The following GSK3B variants were observed in gnomAD, a reference collection of about 807,000 sequenced individuals.
The protein encoded by GSK3B is glycogen synthase kinase 3 beta.
Under a neutral mutation model 56.4 loss-of-function variants are expected in GSK3B, and 15 were observed. The observed-to-expected ratio is 0.27, with a 90% CI of 0.18 to 0.41. The LOEUF is 0.41. Ranked by LOEUF, GSK3B falls within the 10% of genes least tolerant of loss-of-function variation. GSK3B has a pLI of 1.00. For missense variants in GSK3B, 300 were observed against 513.4 expected (o/e 0.58, Z 4.02); for synonymous variants, 181 against 188.9 (o/e 0.96, Z 0.34).
Position 120,083,681 on chromosome 3 carries a change from A to G in GSK3B, c.88+9666T>C, listed in dbSNP as rs55974533. On this transcript the variant is annotated intron_variant, in intron 1 of 10. Transcript: ENST00000264235. Reference sequence around the variant, plus strand: ...TATATACCCCAAAAGATCTGAAAACATATGTCCACACAAAAACTTGCACAC... The same window carrying G: ...TATATACCCCAAAAGATCTGAAAACGTATGTCCACACAAAAACTTGCACAC... Among the ~76,000 whole-genome samples, 1,246 of 152,320 alleles carry G rather than the reference A, an allele frequency of 8.2e-3. 17 individuals are homozygous for G. Among genetic ancestry groups the G allele is most frequent in the African/African-American group, 0.025 (1,048 of 41,568 alleles).
Position 119,826,542 on chromosome 3 carries a change from T to TC in GSK3B, c.*245dup. The TC allele has an allele frequency of 1.0e-5, 6 of 601,388 alleles. No homozygotes were observed. Among genetic ancestry groups the TC allele is most frequent in the Admixed American group, 2.4e-5 (1 of 41,460 alleles). 37.3% of individuals were successfully genotyped at this position (601,388 alleles called of 1,614,324 possible). On this transcript the variant is annotated 3_prime_UTR_variant, in exon 11 of 11. Transcript: ENST00000264235. ...GATTGTATGTTCTAGTGCTCCGCTTTCCCCCTCCCCACAACCCCTCCCACC... is the reference window on the plus strand; with the variant it reads ...GATTGTATGTTCTAGTGCTCCGCTTTCCCCCCTCCCCACAACCCCTCCCACC...
At chr3:119,937,853 T>C (rs1468851814) in intron 3 of GSK3B, among the ~76,000 whole-genome samples, 4 of 150,694 alleles carry the variant, frequency 2.7e-5, no homozygotes, top group Non-Finnish European at 5.9e-5. Context: ...TCAACAAAAC[T>C]GACAAACCCT....
intron 9 of GSK3B, among the ~76,000 whole-genome samples, chr3:119,845,818 A>T (rs1367188915): frequency 6.6e-6 from 1 of 152,210 alleles, no homozygotes; most frequent in Non-Finnish European, 1.5e-5. Flanking sequence ...AACTACTTTA[A>T]ATTTCATATG....
At chr3:119,952,898 AC>A (rs756262892) in intron 2 of GSK3B, among the ~76,000 whole-genome samples, 4 of 152,172 alleles carry the variant, frequency 2.6e-5, no homozygotes, top group African/African-American at 4.8e-5. Context: ...ACTGGAATTC[AC>A]AAAAACAAGT....
chr3:119,941,657 T>C (rs1039376981), intron 3 of GSK3B, among the ~76,000 whole-genome samples: 4 of 152,226 alleles, frequency 2.6e-5, no homozygotes, highest in African/African-American at 9.6e-5. Context: ...AAGCGCAATA[T>C]ATATTTGCTA....
At chr3:119,943,164 A>C (rs1054623867) in intron 3 of GSK3B, among the ~76,000 whole-genome samples, 2 of 152,174 alleles carry the variant, frequency 1.3e-5, no homozygotes, top group African/African-American at 4.8e-5. Context: ...CAATAAAAAG[A>C]AGGTTACCAA....
At chr3:119,919,012 G>C (rs1032121766) in intron 4 of GSK3B, among the ~76,000 whole-genome samples, 1 of 152,084 alleles carries the variant, frequency 6.6e-6, no homozygotes, top group African/African-American at 2.4e-5. Context: ...TGTGTGATCA[G>C]ACCCTGTCCT....
chr3:119,956,853 G>T (rs1204784146), intron 2 of GSK3B, among the ~76,000 whole-genome samples: 1 of 152,130 alleles, frequency 6.6e-6, no homozygotes, highest in Non-Finnish European at 1.5e-5. Flanking sequence ...TTGAACAGGG[G>T]CAAATAAACA....
At chr3:119,881,860 A>G (rs1428364049) in intron 7 of GSK3B, among the ~76,000 whole-genome samples, 4 of 152,164 alleles carry the variant, frequency 2.6e-5, no homozygotes, top group Non-Finnish European at 5.9e-5. Context: ...ATTATAGTGA[A>G]TAAGTCTCAC....
rs765195146 is a variant in GSK3B, at chr3:120,093,435, G to T, written c.-1C>A. On this transcript the variant is annotated 5_prime_UTR_variant, in exon 1 of 11. Transcript: ENST00000264235. ...AGGTGGTTCTGGGCCGCCCTGACAT[G>T]ATCACTCTCTTCGCGAATCACCTTT... 6.2e-7 allele frequency: 1 copy of T among 1,602,976 alleles called. No homozygotes were observed. The highest frequency in any genetic ancestry group is 1.1e-5 in the South Asian group (1 of 90,832).
intron 1 of GSK3B, among the ~76,000 whole-genome samples, chr3:120,089,613 T>C (rs1339331289): frequency 6.6e-6 from 1 of 152,208 alleles, no homozygotes; most frequent in African/African-American, 2.4e-5. Flanking sequence ...AAGTTTTATA[T>C]GAGGAAACAA....
chr3:119,987,495 G>A (rs2057527266), intron 2 of GSK3B, among the ~76,000 whole-genome samples: 1 of 152,120 alleles, frequency 6.6e-6, no homozygotes, highest in South Asian at 2.1e-4. Context: ...GAAGGTTTAA[G>A]CAAGTTTTGA....
At chr3:119,959,258 G>C (rs181740673) in intron 2 of GSK3B, among the ~76,000 whole-genome samples, 1 of 152,106 alleles carries the variant, frequency 6.6e-6, no homozygotes. Flanking sequence ...TTTAAAGGCT[G>C]ATCAGACTCC....
intron 7 of GSK3B, among the ~76,000 whole-genome samples, chr3:119,880,882 CT>C (rs981071793): frequency 3.3e-5 from 5 of 152,060 alleles, no homozygotes; most frequent in African/African-American, 1.2e-4. Flanking sequence ...CTATTGGATT[CT>C]TTTGAGAGCT....
intron 4 of GSK3B, among the ~76,000 whole-genome samples, chr3:119,919,912 AAG>A (rs957466533): frequency 6.6e-6 from 1 of 152,162 alleles, no homozygotes; most frequent in African/African-American, 2.4e-5. Flanking sequence ...ACTGAAAAAA[AAG>A]AGAAAAATGT....
rs985511005 is a variant in GSK3B at position 119,823,566 on chromosome 3, C to T, written c.*3222G>A. ...CTCCCAGAATCTGCTGTTTTTAAGA[C>T]CCATGGTTAGGGCTTGTGGAAGAGA... On this transcript the variant is annotated 3_prime_UTR_variant, in exon 11 of 11. Coordinates refer to ENST00000264235, the MANE Select transcript of GSK3B (RefSeq NM_001146156.2). The T allele has an allele frequency of 5.4e-6, 1 of 186,556 alleles. No homozygotes were observed. Among genetic ancestry groups the T allele is most frequent in the African/African-American group, 2.3e-5 (1 of 42,666 alleles). The allele number at this position is 186,556 out of a possible 1,614,324, so 11.6% of individuals were successfully genotyped here.
At chr3:119,921,044 A>C (rs932034742) in intron 4 of GSK3B, among the ~76,000 whole-genome samples, 27 of 152,346 alleles carry the variant, frequency 1.8e-4, no homozygotes, top group African/African-American at 6.0e-4. Flanking sequence ...TCTGAGGAAG[A>C]AATGTGTAAG....
chr3:120,039,864 AT>A (rs2058051434), intron 1 of GSK3B, among the ~76,000 whole-genome samples: 1 of 152,174 alleles, frequency 6.6e-6, no homozygotes, highest in Non-Finnish European at 1.5e-5. Context: ...GGCACTGAGC[AT>A]TTATCTCCAA....
chr3:120,064,003 ATAAT>A (rs540121198), intron 1 of GSK3B, among the ~76,000 whole-genome samples: 8 of 152,100 alleles, frequency 5.3e-5, no homozygotes, highest in Non-Finnish European at 1.2e-4. Flanking sequence ...AATTAAATAA[ATAAT>A]TAATTAATGA....
Sources: allele counts gnomAD v4.1 joint callset (sites outside exome capture counted in the v4.1 genomes callset), GRCh38; gene constraint gnomAD v4.1.1; transcripts MANE v1.5; gene names NCBI Gene and HGNC (gene_info 2026-07-23, HGNC 2026-07-21).